The following ZNF800 variants were observed in gnomAD, a reference collection of about 807,000 sequenced individuals.
The protein encoded by ZNF800 is zinc finger protein 800.
Under a neutral mutation model 59.5 loss-of-function variants are expected in ZNF800, and 13 were observed. The ratio of observed to expected loss-of-function variants is 0.22; its 90% confidence interval spans 0.14 to 0.35. ZNF800 has a LOEUF of 0.35. Ranked by LOEUF, ZNF800 falls within the 10% of genes least tolerant of loss-of-function variation. The pLI is 1.00. For missense variants in ZNF800, 621 were observed against 783.7 expected (o/e 0.79, Z 2.48); for synonymous variants, 266 against 265.7 (o/e 1.00, Z -0.01).
chr7:127,368,474 G>A (rs1800558565), downstream of ZNF800, among the ~76,000 whole-genome samples: 9 of 152,106 alleles, frequency 5.9e-5, no homozygotes, highest in Admixed American at 5.2e-4. Context: ...GAAAGCCATG[G>A]CTAAATCATA....
At chr7:127,346,227 G>A (rs1472929976), downstream of ZNF800, among the ~76,000 whole-genome samples, 1 of 152,138 alleles carries the variant, frequency 6.6e-6, no homozygotes, top group Non-Finnish European at 1.5e-5. Context: ...AAGTAAACAG[G>A]GAGGAAAAGA....
chr7:127,380,859 G>A (rs1053268384), intron 3 of ZNF800, among the ~76,000 whole-genome samples: 1 of 152,066 alleles, frequency 6.6e-6, no homozygotes, highest in African/African-American at 2.4e-5. Context: ...CAAACATCCA[G>A]CCCTCCAAAG....
At chr7:127,390,782 A>C (rs1022845806) in intron 2 of ZNF800, among the ~76,000 whole-genome samples, 2 of 152,204 alleles carry the variant, frequency 1.3e-5, no homozygotes, top group Non-Finnish European at 2.9e-5. Context: ...TCAAAGTTCT[A>C]AGTAGAACTG....
At position 127,384,353 on chromosome 7, in the gene ZNF800, C is replaced by A. The variant is rs542117689; in HGVS notation, c.157+1707G>T. On this transcript the variant is annotated intron_variant, in intron 3 of 5. Coordinates refer to ENST00000265827, the MANE Select transcript of ZNF800 (RefSeq NM_176814.5). ...GGTTCACGCCATTCTCCTGCCTCAG[C>A]CTCTCGAGTAGCTGAGACTACAGGC... Among the ~76,000 whole-genome samples the A allele has an allele frequency of 2.7e-5, 4 of 150,108 alleles. 1 individual carries two copies. The highest frequency in any genetic ancestry group is 4.4e-5 in the Non-Finnish European group (3 of 67,736).
At chr7:127,382,112 C>A (rs540500640) in intron 3 of ZNF800, among the ~76,000 whole-genome samples, 79 of 152,186 alleles carry the variant, frequency 5.2e-4, no homozygotes, top group Non-Finnish European at 9.3e-4. Context: ...CATGTAGAAT[C>A]TTTTTTCTAC....
chr7:127,381,616 G>A lies in ZNF800; in HGVS notation c.158-4287C>T, dbSNP rs968132899. ...TACTCATTGGAAATATGAAAGATAC[G>A]GTCTTTCCCCCACTGAGAAACTCAG... On this transcript the variant is annotated intron_variant, in intron 3 of 5. Coordinates refer to ENST00000265827, the MANE Select transcript of ZNF800 (RefSeq NM_176814.5). Among the ~76,000 whole-genome samples the A allele has an allele frequency of 4.6e-5, 7 of 151,814 alleles. No homozygotes were observed. In the East Asian group the frequency reaches 5.8e-4, roughly 13 times the overall value.
At chr7:127,364,045 T>C (rs1310689491) in intron 1 of ZNF800, 1 of 152,120 alleles carries the variant, frequency 6.6e-6, no homozygotes, top group Non-Finnish European at 1.5e-5. Context: ...ATTTCACTAA[T>C]ATATTACAGA....
At chr7:127,345,984 T>A (rs1004026430), downstream of ZNF800, among the ~76,000 whole-genome samples, 1 of 152,030 alleles carries the variant, frequency 6.6e-6, no homozygotes, top group African/African-American at 2.4e-5. Flanking sequence ...GAATAATCCA[T>A]TGAGAGGAGG....
intron 3 of ZNF800, among the ~76,000 whole-genome samples, chr7:127,381,208 T>G (rs1800965339): frequency 6.6e-6 from 1 of 152,204 alleles, no homozygotes; most frequent in Non-Finnish European, 1.5e-5. Context: ...GCTTCTTAAA[T>G]GGTATACTGC....
chr7:127,356,477 C>T (rs1001967729), intron 1 of ZNF800, among the ~76,000 whole-genome samples: 3 of 151,880 alleles, frequency 2.0e-5, no homozygotes, highest in Non-Finnish European at 2.9e-5. Flanking sequence ...ATTTTTGTTA[C>T]AATCCTTCAA....
intron 3 of ZNF800, among the ~76,000 whole-genome samples, chr7:127,384,223 A>ACTT (rs1456554098): frequency 1.2e-4 from 8 of 69,300 alleles, no homozygotes; most frequent in East Asian, 9.5e-4. Flanking sequence ...ACTAATTCTA[A>ACTT]CTTCTTTTTT....
chr7:127,375,107 T>C (rs1329782962), intron 4 of ZNF800, 73 bp from the exon 5 acceptor site: 2 of 1,243,452 alleles, frequency 1.6e-6, no homozygotes, highest in Non-Finnish European at 2.2e-6. Flanking sequence ...TTAAGATATA[T>C]TATGAACCTC....
downstream of ZNF800, among the ~76,000 whole-genome samples, chr7:127,344,719 T>C (rs1800026882): frequency 6.6e-6 from 1 of 152,140 alleles, no homozygotes; most frequent in Non-Finnish European, 1.5e-5. Flanking sequence ...CAAGTGTGTG[T>C]AGGAATTTAG....
At chr7:127,390,926 C>T (rs1276909248) in intron 2 of ZNF800, among the ~76,000 whole-genome samples, 2 of 152,148 alleles carry the variant, frequency 1.3e-5, no homozygotes, top group Non-Finnish European at 2.9e-5. Context: ...ATTATGTATT[C>T]TACCTAAATA....
In ZNF800 at chr7:127,377,169, A is replaced by G. The variant is rs754348222; in HGVS notation, c.301+17T>C. 6.2e-7 allele frequency: 1 copy of G among 1,602,316 alleles called. No individual in the cohort carries two copies. Among genetic ancestry groups the G allele is most frequent in the South Asian group, 1.1e-5 (1 of 88,506 alleles). On this transcript the variant is annotated intron_variant, in intron 4 of 5. Transcript: ENST00000265827. This position sits in a 1 kb window ranked among gnomAD's most constrained non-coding sequence, Gnocchi z 4.7. Reference sequence around the variant, plus strand: ...TTAGCTGTAAAATGCATAACTGAGTATATGAATAAAACTTACTGTCATCCA... The same window carrying G: ...TTAGCTGTAAAATGCATAACTGAGTGTATGAATAAAACTTACTGTCATCCA...
At chr7:127,391,890 C>A (rs1400173141) in intron 1 of ZNF800, among the ~76,000 whole-genome samples, 170 bp downstream of exon 1, 4 of 151,628 alleles carry the variant, frequency 2.6e-5, no homozygotes, top group African/African-American at 9.7e-5. Context: ...CCGTCCCGGG[C>A]GGGCGCGCGG....
intron 3 of ZNF800, among the ~76,000 whole-genome samples, chr7:127,379,857 C>CCCCCT (rs1800915021): frequency 1.4e-5 from 1 of 72,754 alleles, no homozygotes; most frequent in Non-Finnish European, 2.9e-5. Context: ...CCCCCACCCC[C>CCCCCT]CCCACACACA....
chr7:127,357,559 A>G (rs1800295899), intron 1 of ZNF800, among the ~76,000 whole-genome samples: 1 of 152,068 alleles, frequency 6.6e-6, no homozygotes, highest in East Asian at 1.9e-4. Flanking sequence ...CATGGGGAGT[A>G]AATCATGAAA....
intron 3 of ZNF800, among the ~76,000 whole-genome samples, chr7:127,379,737 A>G (rs1004361779): frequency 2.0e-5 from 3 of 152,088 alleles, no homozygotes; most frequent in Admixed American, 2.0e-4. Context: ...TAGGGACTGC[A>G]TATTTATTCT....
Sources: gnomAD v4.1 joint callset for allele counts (sites outside exome capture counted in the v4.1 genomes callset) on GRCh38, gnomAD v4.1.1 for gene constraint, Gnocchi (gnomAD v3.1) non-coding constraint, MANE v1.5 for transcripts, NCBI Gene and HGNC (gene_info 2026-07-23, HGNC 2026-07-21) for gene names.